Variants in NAA25 observed in about 807,000 individuals in gnomAD.
NAA25 encodes the protein N-terminal acetyltransferase B complex subunit NAA25.
A neutral mutation model predicts 132.5 loss-of-function variants in NAA25; 30 were observed. That is an observed-to-expected ratio of 0.23 (90% CI 0.17 to 0.31). The LOEUF is 0.31. Among genes scored for constraint, NAA25 ranks in the 10% least tolerant of loss-of-function variants. The pLI, the probability that NAA25 is intolerant of heterozygous loss-of-function variation, is 1.00. For synonymous variants in NAA25, 359 were observed against 401.9 expected (o/e 0.89, Z 1.28); for missense variants, 771 against 1,150.4 (o/e 0.67, Z 4.77).
chr12:112,107,418 G>A (rs2079379248), intron 1 of NAA25, among the ~76,000 whole-genome samples: 1 of 151,220 alleles, frequency 6.6e-6, no homozygotes. Context: ...AAAGGGTTCA[G>A]GGGCAGGAAA....
intron 1 of NAA25, 82 bp downstream of exon 1, chr12:112,108,634 A>G (rs2079402108): frequency 8.0e-7 from 1 of 1,252,224 alleles, no homozygotes; most frequent in East Asian, 3.2e-5. Context: ...GCCGGCCCTC[A>G]GCACCCCTCC....
chr12:112,068,591 C>T (rs548229057), intron 11 of NAA25, among the ~76,000 whole-genome samples: 4 of 151,808 alleles, frequency 2.6e-5, no homozygotes, highest in African/African-American at 4.9e-5. Context: ...ACATGTAAAT[C>T]GAGATGTGTT....
intron 1 of NAA25, 111 bp downstream of exon 1, chr12:112,108,605 G>T: frequency 6.1e-6 from 7 of 1,155,064 alleles, no homozygotes; most frequent in Non-Finnish European, 7.5e-6. Context: ...CCGCCCCCCT[G>T]CGCCTGCCCG....
intron 1 of NAA25, among the ~76,000 whole-genome samples, chr12:112,098,119 CAA>C (rs60232542): frequency 3.4e-3 from 182 of 54,142 alleles, no homozygotes; most frequent in Middle Eastern, 0.012. Context: ...GACTCCATCT[CAA>C]AAAAAAAAAA....
intron 5 of NAA25, among the ~76,000 whole-genome samples, chr12:112,080,091 T>C (rs916381291): frequency 2.7e-5 from 4 of 150,642 alleles, no homozygotes; most frequent in Admixed American, 1.3e-4. Context: ...CCATCCTGGC[T>C]AACATGGTGA....
chr12:112,066,787 C>T (rs2078724765), intron 11 of NAA25, among the ~76,000 whole-genome samples: 1 of 152,180 alleles, frequency 6.6e-6, no homozygotes, highest in African/African-American at 2.4e-5. Context: ...GGTTACTTAT[C>T]AGTTGGGGAA....
At chr12:112,088,004 C>T (rs1234241440) in intron 3 of NAA25, among the ~76,000 whole-genome samples, 1 of 152,158 alleles carries the variant, frequency 6.6e-6, no homozygotes, top group African/African-American at 2.4e-5. Flanking sequence ...ATAGCATTTA[C>T]AACATATAAG....
intron 3 of NAA25, among the ~76,000 whole-genome samples, chr12:112,090,082 C>T (rs572371582): frequency 9.9e-5 from 15 of 151,946 alleles, no homozygotes; most frequent in East Asian, 9.7e-4. Flanking sequence ...CTGCCAGCCT[C>T]GGCCATCCAA....
chr12:112,106,955 CAAAAA>C (rs11286456), intron 1 of NAA25, among the ~76,000 whole-genome samples: 2 of 25,828 alleles, frequency 7.7e-5, no homozygotes, highest in Non-Finnish European at 1.7e-4. Flanking sequence ...AGACTGTCTC[CAAAAA>C]AAAAAAAAAA....
chr12:112,061,398 G>A lies in NAA25; in HGVS notation c.1150-10C>T, dbSNP rs2078628105. ...GTAACTGATTAATAAACTGCAAAGT[G>A]GGGAAAAAAGGAGCAAAGGTCTCAA... On this transcript the variant is annotated splice_polypyrimidine_tract_variant and intron_variant, in intron 11 of 23. Coordinates refer to ENST00000261745, the MANE Select transcript of NAA25 (RefSeq NM_024953.4). 6.2e-7 allele frequency: 1 copy of A among 1,605,530 alleles called. No homozygotes were observed. The highest frequency in any genetic ancestry group is 8.5e-7 in the Non-Finnish European group (1 of 1,173,070).
At chr12:112,064,772 C>T (rs903289614) in intron 11 of NAA25, among the ~76,000 whole-genome samples, 13 of 152,094 alleles carry the variant, frequency 8.5e-5, no homozygotes, top group African/African-American at 2.9e-4. Flanking sequence ...CAGTGGCTCA[C>T]GCCTGTAATA....
chr12:112,107,663 C>T (rs924414705), intron 1 of NAA25, among the ~76,000 whole-genome samples: 1 of 152,052 alleles, frequency 6.6e-6, no homozygotes, highest in East Asian at 1.9e-4. Flanking sequence ...AAAACGATTC[C>T]CACCTTGGAG....
At chr12:112,104,761 G>A (rs1399239088) in intron 1 of NAA25, among the ~76,000 whole-genome samples, 1 of 151,968 alleles carries the variant, frequency 6.6e-6, no homozygotes, top group Non-Finnish European at 1.5e-5. Context: ...GCGTGAACCC[G>A]GAAGGTGGAG....
Position 112,027,887 on chromosome 12 carries a change from C to G in NAA25, c.*1644G>C, listed in dbSNP as rs1225452888. On this transcript the variant is annotated 3_prime_UTR_variant, in exon 24 of 24. Transcript: ENST00000261745. ...TTCATCTTGTTCAAGACAGTTCTTCCTTTTGGGATAGGGTATATGACCAGC... is the reference window on the plus strand; with the variant it reads ...TTCATCTTGTTCAAGACAGTTCTTCGTTTTGGGATAGGGTATATGACCAGC... The G allele has an allele frequency of 6.6e-6, 1 of 152,118 alleles. No homozygotes were observed. The highest frequency in any genetic ancestry group is 1.5e-5 in the Non-Finnish European group (1 of 68,026). 9.4% of individuals were successfully genotyped at this position (152,118 alleles called of 1,614,324 possible).
intron 16 of NAA25, 38 bp downstream of exon 16, chr12:112,048,254 A>C: frequency 6.3e-7 from 1 of 1,588,664 alleles, no homozygotes. Context: ...AACTGATCTA[A>C]TCCCTTAGTT....
At chr12:112,039,203 T>C in intron 22 of NAA25, 26 bp downstream of exon 22, 1 of 1,376,574 alleles carries the variant, frequency 7.3e-7, no homozygotes. Context: ...TTGTTCCTTG[T>C]ATATCACTTG....
In NAA25 at chr12:112,090,765, G is replaced by A; in HGVS notation, c.244C>T (p.Leu82=). Residue 82 remains leucine (L), a synonymous_variant, in exon 3 of 24, where the codon CTG becomes TTG. Coordinates refer to ENST00000261745, the MANE Select transcript of NAA25 (RefSeq NM_024953.4). ...AALEPTDDNS[L]QALTILYREM... ...CGGTAAAGGATAGTCAGTGCCTGCAGTGAGTTGTCATCTGTGGGTTCAAGG... is the reference window on the plus strand; with the variant it reads ...CGGTAAAGGATAGTCAGTGCCTGCAATGAGTTGTCATCTGTGGGTTCAAGG... 5 of 1,614,082 alleles carry A rather than the reference G, an allele frequency of 3.1e-6. No individual in the cohort carries two copies. The highest frequency in any genetic ancestry group is 2.5e-6 in the Non-Finnish European group (3 of 1,179,970).
At chr12:112,062,477 C>T (rs1292449273) in intron 11 of NAA25, among the ~76,000 whole-genome samples, 1 of 151,202 alleles carries the variant, frequency 6.6e-6, no homozygotes, top group Non-Finnish European at 1.5e-5. Flanking sequence ...ATAATCCCAG[C>T]ACTTTGGGAG....
chr12:112,078,613 A>C, intron 6 of NAA25, 21 bp downstream of exon 6: 1 of 1,590,204 alleles, frequency 6.3e-7, no homozygotes. Flanking sequence ...AAAACACAAA[A>C]GTAAGGCTTA....
Sources: gnomAD v4.1 joint callset for allele counts (sites outside exome capture counted in the v4.1 genomes callset) on GRCh38, gnomAD v4.1.1 for gene constraint, MANE v1.5 for transcripts, NCBI Gene and HGNC (gene_info 2026-07-23, HGNC 2026-07-21) for gene names.